The following CCSER1 variants were observed in gnomAD, a reference collection of about 807,000 sequenced individuals.
CCSER1 encodes the protein serine-rich coiled-coil domain-containing protein 1.
In CCSER1, 41 loss-of-function variants were observed where a neutral mutation model predicts 82.0. That is an observed-to-expected ratio of 0.50 (90% CI 0.39 to 0.65). The LOEUF (loss-of-function observed/expected upper bound fraction) is 0.65. Ranked by LOEUF, CCSER1 falls within the 30% of genes least tolerant of loss-of-function variation. The pLI, the probability that CCSER1 is intolerant of heterozygous loss-of-function variation, is 0.00. For synonymous variants in CCSER1, 414 were observed against 383.9 expected (o/e 1.08, Z -0.92); for missense variants, 1,119 against 1,064.2 (o/e 1.05, Z -0.72).
chr4:91,438,289 T>C (rs6532309), intron 10 of CCSER1, among the ~76,000 whole-genome samples: 125,833 of 152,142 alleles, frequency 0.83, 52,373 homozygotes, highest in East Asian at 0.92. Flanking sequence ...ACAAAACTTC[T>C]AGAGGAATGA....
chr4:90,692,323 A>G (rs974559739), intron 6 of CCSER1, among the ~76,000 whole-genome samples: 6 of 151,882 alleles, frequency 4.0e-5, no homozygotes, highest in Non-Finnish European at 8.8e-5. Context: ...GAAAAGAAAA[A>G]TGCTGCTCAT....
chr4:90,581,328 T>A (rs1027429919), intron 5 of CCSER1, among the ~76,000 whole-genome samples: 1 of 152,134 alleles, frequency 6.6e-6, no homozygotes, highest in Non-Finnish European at 1.5e-5. Flanking sequence ...TAATATTTCA[T>A]GCAAGAAAAA....
chr4:90,804,906 A>G (rs1437839457), intron 7 of CCSER1, among the ~76,000 whole-genome samples: 1 of 152,342 alleles, frequency 6.6e-6, no homozygotes, highest in African/African-American at 2.4e-5. Context: ...TTAGTAGGTT[A>G]TATCATAAGA....
intron 7 of CCSER1, among the ~76,000 whole-genome samples, chr4:90,786,044 T>A (rs1486966226): frequency 1.3e-5 from 2 of 152,220 alleles, no homozygotes; most frequent in African/African-American, 2.4e-5. Flanking sequence ...CGACTTCAAT[T>A]CTTTTACTCC....
intron 10 of CCSER1, among the ~76,000 whole-genome samples, chr4:91,287,480 A>C (rs1183598746): frequency 6.6e-6 from 1 of 151,978 alleles, no homozygotes; most frequent in Non-Finnish European, 1.5e-5. Context: ...CCAGGCTTAT[A>C]AACAGGATAG....
intron 3 of CCSER1, among the ~76,000 whole-genome samples, chr4:90,386,480 C>T (rs967091265): frequency 6.6e-6 from 1 of 152,064 alleles, no homozygotes; most frequent in African/African-American, 2.4e-5. Context: ...CTATCACTCA[C>T]TATACAGAAA....
intron 10 of CCSER1, among the ~76,000 whole-genome samples, chr4:91,092,865 C>T (rs6842062): frequency 0.3 from 45,614 of 152,038 alleles, 7,964 homozygotes; most frequent in East Asian, 0.46. Flanking sequence ...TGTGTCTGCT[C>T]AGGGGTTTCC....
At chr4:91,296,836 G>A (rs1024849926) in intron 10 of CCSER1, among the ~76,000 whole-genome samples, 3 of 151,650 alleles carry the variant, frequency 2.0e-5, no homozygotes, top group East Asian at 3.9e-4. Flanking sequence ...TAATGACACA[G>A]TATGCAAGTT....
intron 10 of CCSER1, among the ~76,000 whole-genome samples, chr4:91,436,502 C>T (rs1349789663): frequency 1.3e-5 from 2 of 152,130 alleles, no homozygotes; most frequent in Admixed American, 6.6e-5. Context: ...ATGAGAAAGT[C>T]GATGACTTCA....
At chr4:90,391,484 A>T (rs1216652867) in intron 3 of CCSER1, among the ~76,000 whole-genome samples, 2 of 85,098 alleles carry the variant, frequency 2.4e-5, no homozygotes, top group Non-Finnish European at 4.2e-5. Context: ...ATATATATAT[A>T]TACACACACA....
intron 10 of CCSER1, among the ~76,000 whole-genome samples, chr4:91,225,723 A>G (rs1472423674): frequency 1.3e-5 from 2 of 151,830 alleles, no homozygotes; most frequent in African/African-American, 2.4e-5. Context: ...GTATTCATGC[A>G]CAACCTTTAT....
chr4:90,399,291 C>T (rs951888822), intron 3 of CCSER1, among the ~76,000 whole-genome samples: 30 of 151,872 alleles, frequency 2.0e-4, no homozygotes, highest in African/African-American at 7.3e-4. Flanking sequence ...TGCTATTTGC[C>T]CTCTTGAAAA....
At chr4:91,144,456 T>C (rs551043590) in intron 10 of CCSER1, among the ~76,000 whole-genome samples, 1 of 152,146 alleles carries the variant, frequency 6.6e-6, no homozygotes, top group African/African-American at 2.4e-5. Context: ...GGTCTCAATT[T>C]CGTTTAGTTC....
At chr4:90,267,933 C>T (rs920685191) in intron 1 of CCSER1, among the ~76,000 whole-genome samples, 1 of 152,156 alleles carries the variant, frequency 6.6e-6, no homozygotes, top group Non-Finnish European at 1.5e-5. Flanking sequence ...CAATGGAGTT[C>T]TAGTACATCT....
At chr4:90,143,871 A>G (rs2153341367) in intron 1 of CCSER1, among the ~76,000 whole-genome samples, 1 of 151,244 alleles carries the variant, frequency 6.6e-6, no homozygotes, top group Middle Eastern at 3.4e-3. Context: ...GTTGTTATTT[A>G]TAGAGACAGG....
In CCSER1 at chr4:90,818,420, GGCACACGCCACA is replaced by G. The variant is rs1759314292; in HGVS notation, c.2094+2577_2094+2588del. On this transcript the variant is annotated intron_variant, in intron 8 of 10. Coordinates refer to ENST00000509176, the MANE Select transcript of CCSER1 (RefSeq NM_001145065.2). ...AGCCTCCCAAGAAGCTGGGACCACA[GGCACACGCCACA>G]GTGCCCGGCTAATTTTTGTATTTTT... Among the ~76,000 whole-genome samples the G allele has an allele frequency of 7.2e-5, 11 of 152,008 alleles. No individual in the cohort carries two copies. In the South Asian group the frequency reaches 2.3e-3, roughly 32 times the overall value.
At chr4:91,097,893 G>A (rs917719468) in intron 10 of CCSER1, among the ~76,000 whole-genome samples, 1 of 152,134 alleles carries the variant, frequency 6.6e-6, no homozygotes, top group South Asian at 2.1e-4. Flanking sequence ...CCTGTTATCT[G>A]TTTTAGAGTC....
At chr4:91,134,669 G>T (rs1030279322) in intron 10 of CCSER1, among the ~76,000 whole-genome samples, 2 of 152,112 alleles carry the variant, frequency 1.3e-5, no homozygotes, top group African/African-American at 4.8e-5. Flanking sequence ...TCACCATTTA[G>T]CAGTCATCAC....
chr4:91,059,622 C>T (rs1266822252), intron 9 of CCSER1, among the ~76,000 whole-genome samples: 1 of 151,744 alleles, frequency 6.6e-6, no homozygotes, highest in Non-Finnish European at 1.5e-5. Flanking sequence ...GGCACACTCA[C>T]ACACAAACAC....
Sources: allele counts gnomAD v4.1 joint callset (sites outside exome capture counted in the v4.1 genomes callset), GRCh38; gene constraint gnomAD v4.1.1; transcripts MANE v1.5; gene names NCBI Gene and HGNC (gene_info 2026-07-23, HGNC 2026-07-21).